Variants in PLA1A observed in about 807,000 individuals in gnomAD.
PLA1A encodes the protein phosphatidylserine-specific phospholipase A1alpha.
In PLA1A, 47 loss-of-function variants were observed where a neutral mutation model predicts 49.4. That is an observed-to-expected ratio of 0.95 (90% CI 0.75 to 1.21). The LOEUF (loss-of-function observed/expected upper bound fraction) is 1.21, where lower values mean the gene tolerates loss of function less well. Ranked by LOEUF, PLA1A falls within the 50% of genes most tolerant of loss-of-function variation. The probability of loss-of-function intolerance (pLI) is 0.00; values close to 1 mark genes in which losing one functional copy is unlikely to be tolerated. For missense variants in PLA1A, 561 were observed against 563.9 expected, an observed-to-expected ratio of 0.99 and a Z score of 0.05; for synonymous variants, 224 against 207.9, an observed-to-expected ratio of 1.08 and a Z score of -0.67.
In PLA1A at chr3:119,625,180, A is replaced by G. The variant is rs1455279479; in HGVS notation, c.1069A>G (p.Ile357Val). The change falls in exon 9 of 11, where the codon ATC (isoleucine) becomes GTC (valine). Residue 357 changes from isoleucine to valine, a missense_variant. Coordinates refer to ENST00000273371, the MANE Select transcript of PLA1A (RefSeq NM_015900.4). ...GGAACTGAGAAACAAGGACACCAAC[A>G]TCGAGGTTACCTTCCTTAGCAGTAA... The part of the protein sequence containing the change: ...LKELRNKDTN[I>V]EVTFLSSNIT... The G allele has an allele frequency of 6.2e-7, 1 of 1,613,950 alleles. No homozygotes were observed. The highest frequency in any genetic ancestry group is 8.5e-7 in the Non-Finnish European group (1 of 1,179,788).
At chr3:119,621,224 A>G (rs751745524) in intron 8 of PLA1A, among the ~76,000 whole-genome samples, 9 of 152,202 alleles carry the variant, frequency 5.9e-5, no homozygotes, top group Non-Finnish European at 8.8e-5. Flanking sequence ...GGAGACTAAC[A>G]GCATGTTAAG....
chr3:119,600,645 G>A lies in PLA1A; in HGVS notation c.73+2659G>A, dbSNP rs75910416. On this transcript the variant is annotated intron_variant, in intron 1 of 10. Coordinates refer to ENST00000273371, the MANE Select transcript of PLA1A (RefSeq NM_015900.4). ...GTAACTGAGAAGAAAGAAATTGAGC[G>A]GGCTGCAGTCCTCATCTCTACTTCC... Among the ~76,000 whole-genome samples the A allele has an allele frequency of 9.0e-3, 1,378 of 152,310 alleles. 13 individuals are homozygous for A. Among genetic ancestry groups the A allele is most frequent in the African/African-American group, 0.032 (1,323 of 41,546 alleles).
At position 119,606,563 on chromosome 3, in the gene PLA1A, T is replaced by G. The variant is rs577432674; in HGVS notation, c.74-211T>G. On this transcript the variant is annotated intron_variant, in intron 1 of 10. Transcript: ENST00000273371. The stretch of plus-strand genomic sequence containing the variant: ...TTGAGCAATATTCCTTCTCTGCTAT[T>G]TTGTCCTTAGGCATGAAAAATATTC... Among the ~76,000 whole-genome samples, 8 of 152,350 alleles carry G rather than the reference T, an allele frequency of 5.3e-5. No homozygotes were observed. In the South Asian group the frequency reaches 1.0e-3, roughly 20 times the overall value.
intron 2 of PLA1A, chr3:119,607,220 T>G (rs1227237140): frequency 4.1e-6 from 2 of 485,340 alleles, no homozygotes; most frequent in East Asian, 7.1e-5. Context: ...AGTACATGTC[T>G]GTGACTGGAC....
Position 119,618,088 on chromosome 3 carries a change from G to C in PLA1A, c.824G>C (p.Cys275Ser). The C allele has an allele frequency of 6.2e-7, 1 of 1,614,024 alleles. No individual in the cohort carries two copies. Among genetic ancestry groups the C allele is most frequent in the Non-Finnish European group, 8.5e-7 (1 of 1,179,868 alleles). Reference protein sequence around the residue: ...HLYISALENSCPLMAFPCASY... With the variant: ...HLYISALENSSPLMAFPCASY... The stretch of plus-strand genomic sequence containing the variant: ...TACATCAGCGCCCTGGAGAATTCCT[G>C]TCCACTGATGGCCTTTCCCTGTGCC... Residue 275 changes from cysteine to serine, a missense_variant, in exon 7 of 11, where the codon TGT (cysteine) becomes TCT (serine). Coordinates refer to ENST00000273371, the MANE Select transcript of PLA1A (RefSeq NM_015900.4).
intron 5 of PLA1A, among the ~76,000 whole-genome samples, chr3:119,614,445 A>G (rs1313396193): frequency 6.6e-6 from 1 of 152,048 alleles, no homozygotes; most frequent in African/African-American, 2.4e-5. Flanking sequence ...CTACTAAAAA[A>G]AATACAAAAA....
chr3:119,603,321 A>T (rs1184633282), intron 1 of PLA1A, among the ~76,000 whole-genome samples: 1 of 152,164 alleles, frequency 6.6e-6, no homozygotes, highest in Non-Finnish European at 1.5e-5. Flanking sequence ...GATTCTGAAT[A>T]TTTCATTCTG....
rs2082842973 is a variant in PLA1A, at chr3:119,616,016, G to C, written c.669G>C (p.Leu223Phe). 1 of 1,607,304 alleles carries C rather than the reference G, an allele frequency of 6.2e-7. No individual in the cohort carries two copies. The highest frequency in any genetic ancestry group is 1.3e-5 in the African/African-American group (1 of 74,878). Residue 223 changes from leucine to phenylalanine, a missense_variant, in exon 6 of 11, where the codon TTG becomes TTC. By Grantham distance (22) the Leu-to-Phe change is conservative. Coordinates refer to ENST00000273371, the MANE Select transcript of PLA1A (RefSeq NM_015900.4). ...TGGAGTTGTGCCTCCTTTCAGATTT[G>C]GGTATTCGGATTCCCGTTGGACATG... Reference protein sequence around the residue: ...VEAIHTDTDNLGIRIPVGHVD... With the variant: ...VEAIHTDTDNFGIRIPVGHVD...
chr3:119,619,802 A>G, intron 8 of PLA1A, 150 bp downstream of exon 8: 1 of 657,336 alleles, frequency 1.5e-6, no homozygotes, highest in South Asian at 1.8e-5. Context: ...CAAAACTTTC[A>G]GAGTGAGTCC....
intron 8 of PLA1A, among the ~76,000 whole-genome samples, chr3:119,622,524 G>T (rs2107798205): frequency 6.6e-6 from 1 of 152,276 alleles, no homozygotes. Context: ...GGCACCTTTT[G>T]GTGAGCCCTG....
In PLA1A at chr3:119,597,973, C is replaced by G; in HGVS notation, c.60C>G (p.Ser20Arg). The change falls in exon 1 of 11, where the codon AGC (serine) becomes AGG (arginine). Residue 20 changes from serine (S) to arginine (R), a missense_variant. Physicochemically the swap from Ser to Arg is moderately radical, Grantham distance 110. Transcript: ENST00000273371. ...TGGGGGGCCTCATTTTGTGGCTCAG[C>G]GTTGGAAGTTCAGGTAAGCCAGGGC... ...FWVGGLILWLSVGSSGDAPPT... is the reference protein window; with the variant it reads ...FWVGGLILWLRVGSSGDAPPT... 6.2e-7 allele frequency: 1 copy of G among 1,606,688 alleles called. No individual in the cohort carries two copies. Among genetic ancestry groups the G allele is most frequent in the Non-Finnish European group, 8.5e-7 (1 of 1,175,644 alleles).
intron 1 of PLA1A, among the ~76,000 whole-genome samples, chr3:119,606,062 A>T (rs2670293): frequency 6.6e-6 from 1 of 152,054 alleles, no homozygotes; most frequent in Non-Finnish European, 1.5e-5. Flanking sequence ...CCGCAGGGCA[A>T]CTGTTCATTT....
At position 119,619,534 on chromosome 3, in the gene PLA1A, C is replaced by A. The variant is rs377567737; in HGVS notation, c.923-29C>A. 7.9e-6 allele frequency: 12 copies of A among 1,514,382 alleles called. No homozygotes were observed. The African/African-American group carries it at 1.5e-4, about 19-fold the overall frequency. 93.8% of individuals were successfully genotyped at this position (1,514,382 alleles called of 1,614,324 possible). On this transcript the variant is annotated intron_variant, in intron 7 of 10. Transcript: ENST00000273371. ...GGACCCTAAGATAGCCTTCTCAGGA[C>A]TCTGCTGTCTTTGCTTCTTTATTTC...
chr3:119,627,051 C>A (rs1228641148), intron 9 of PLA1A, among the ~76,000 whole-genome samples: 2 of 152,140 alleles, frequency 1.3e-5, no homozygotes, highest in African/African-American at 2.4e-5. Flanking sequence ...GCCAAGCCCC[C>A]CAACCCAGAC....
At chr3:119,608,984 G>A (rs369466528) in intron 3 of PLA1A, 37 bp downstream of exon 3, 6 of 1,552,394 alleles carry the variant, frequency 3.9e-6, no homozygotes, top group Non-Finnish European at 3.6e-6. Context: ...TTTGGGCTGC[G>A]TATGAGGAGA....
intron 6 of PLA1A, among the ~76,000 whole-genome samples, chr3:119,617,465 A>G (rs1329978965): frequency 2.0e-5 from 3 of 152,076 alleles, no homozygotes; most frequent in Admixed American, 2.0e-4. Flanking sequence ...TCTCAAGGCC[A>G]GGTACGGTGG....
rs762114814 is a variant in PLA1A, at chr3:119,628,749, A to G, written c.1170A>G (p.Pro390=). The part of the protein sequence containing the change: ...YGKGIIAHAT[P]QCQINQVKFK... ...AAGGAATCATAGCCCATGCCACCCCACAATGCCAGATAAACCAAGTGAAAT... is the reference window on the plus strand; with the variant it reads ...AAGGAATCATAGCCCATGCCACCCCGCAATGCCAGATAAACCAAGTGAAAT... Residue 390 remains proline (P), a synonymous_variant, in exon 10 of 11, where the codon CCA becomes CCG. Coordinates refer to ENST00000273371, the MANE Select transcript of PLA1A (RefSeq NM_015900.4). 37 of 1,614,028 alleles carry G rather than the reference A, an allele frequency of 2.3e-5. No individual in the cohort carries two copies. Among genetic ancestry groups the G allele is most frequent in the Non-Finnish European group, 3.0e-5 (35 of 1,179,962 alleles).
Position 119,625,334 on chromosome 3 carries a change from A to G in PLA1A, c.1121+102A>G, listed in dbSNP as rs138391748. The stretch of plus-strand genomic sequence containing the variant: ...CAGGTCAGGGACTGTGTGATTGCTG[A>G]TGCATGGGCCCAGCCGGCTTGGCTG... On this transcript the variant is annotated intron_variant, in intron 9 of 10. Coordinates refer to ENST00000273371, the MANE Select transcript of PLA1A (RefSeq NM_015900.4). 162 of 747,080 alleles carry G rather than the reference A, an allele frequency of 2.2e-4. No individual in the cohort carries two copies. In the East Asian group the frequency reaches 4.4e-3, roughly 20 times the overall value. The allele number at this position is 747,080 out of a possible 1,614,324, so 46.3% of individuals were successfully genotyped here. A position where few individuals can be genotyped will look rare whatever the true frequency, so the allele number is the denominator to read the frequency against.
chr3:119,606,885 G>T lies in PLA1A; in HGVS notation c.185G>T (p.Ser62Ile), dbSNP rs766674332. Residue 62 changes from serine to isoleucine, a missense_variant, in exon 2 of 11, where the codon AGC (serine) becomes ATC (isoleucine). By Grantham distance (142) the Ser-to-Ile change is moderately radical (BLOSUM62 -2). Coordinates refer to ENST00000273371, the MANE Select transcript of PLA1A (RefSeq NM_015900.4). ...QFLLFVPSNP[S>I]CGQLVEGSSD... Reference sequence around the variant, plus strand: ...CTCCTCTTTGTCCCTTCGAATCCTAGCTGTGGGCAGCTAGTAGAAGGAAGC... The same window carrying T: ...CTCCTCTTTGTCCCTTCGAATCCTATCTGTGGGCAGCTAGTAGAAGGAAGC... The T allele has an allele frequency of 8.7e-6, 14 of 1,614,022 alleles. No individual in the cohort carries two copies. The highest frequency in any genetic ancestry group is 1.7e-5 in the Admixed American group (1 of 60,000).
Sources: allele counts gnomAD v4.1 joint callset (sites outside exome capture counted in the v4.1 genomes callset), GRCh38; gene constraint gnomAD v4.1.1; transcripts MANE v1.5; gene names NCBI Gene and HGNC (gene_info 2026-07-23, HGNC 2026-07-21).